The following GJC1 variants were observed in gnomAD, a reference collection of about 807,000 sequenced individuals.
GJC1 encodes the protein gap junction gamma-1 protein.
GJC1 carries 5 observed loss-of-function variants against 29.3 expected under a neutral mutation model. The observed-to-expected ratio is 0.17, with a 90% CI of 0.09 to 0.36. GJC1 has a LOEUF of 0.36. Ranked by LOEUF, GJC1 falls within the 10% of genes least tolerant of loss-of-function variation. The probability of loss-of-function intolerance (pLI) is 1.00; values close to 1 mark genes in which losing one functional copy is unlikely to be tolerated. For missense variants in GJC1, 310 were observed against 496.2 expected, an observed-to-expected ratio of 0.62 and a Z score of 3.56; for synonymous variants, 177 against 183.3, an observed-to-expected ratio of 0.97 and a Z score of 0.28.
intron 1 of GJC1, among the ~76,000 whole-genome samples, chr17:44,816,492 G>GTTTGT (rs1243085605): frequency 6.6e-6 from 1 of 152,046 alleles, no homozygotes; most frequent in Admixed American, 6.6e-5. Context: ...ACATAATTCA[G>GTTTGT]TTTGTTTTGT....
At position 44,804,909 on chromosome 17, in the gene GJC1, T is replaced by C. The variant is rs780356197; in HGVS notation, c.909A>G (p.Glu303=). 6.2e-7 allele frequency: 1 copy of C among 1,614,184 alleles called. No individual in the cohort carries two copies. The highest frequency in any genetic ancestry group is 8.5e-7 in the Non-Finnish European group (1 of 1,180,030). ...AVKPDQIQYT[E]LSNAKIAYKQ... is the part of the protein sequence containing the mutation. ...TGTAGGCGATCTTAGCATTGGACAG[T>C]TCGGTGTACTGGATTTGATCTGGTT... is the stretch of plus-strand genomic sequence containing the variant. The change falls in exon 3 of 3, where the codon GAA becomes GAG. Residue 303 remains glutamate, a synonymous_variant. Transcript: ENST00000592524.
chr17:44,819,089 C>T (rs1272120997), intron 1 of GJC1, among the ~76,000 whole-genome samples: 1 of 152,004 alleles, frequency 6.6e-6, no homozygotes, highest in Non-Finnish European at 1.5e-5. Context: ...CTTAAGTGTA[C>T]AGTTCAAGTA....
chr17:44,823,579 T>C (rs576584861), intron 1 of GJC1, among the ~76,000 whole-genome samples: 2 of 151,892 alleles, frequency 1.3e-5, no homozygotes, highest in South Asian at 2.1e-4. Context: ...AAATTTCTTA[T>C]TTTTGTAGAG....
chr17:44,807,441 G>C lies in GJC1; in HGVS notation c.-68C>G, dbSNP rs1316723805. On this transcript the variant is annotated 5_prime_UTR_variant, in exon 2 of 3. Coordinates refer to ENST00000592524, the MANE Select transcript of GJC1 (RefSeq NM_005497.4). ...CCCAAAATTTTCTTAGAGAAATGAT[G>C]TTTTGATTGCAATTTTTCCAGATTC... The C allele has an allele frequency of 6.6e-6, 1 of 151,782 alleles. No individual in the cohort carries two copies. Among genetic ancestry groups the C allele is most frequent in the Admixed American group, 6.6e-5 (1 of 15,116 alleles). 9.4% of individuals were successfully genotyped at this position (151,782 alleles called of 1,614,324 possible). A position where few individuals can be genotyped will look rare whatever the true frequency, so the allele number is the denominator to read the frequency against.
At chr17:44,810,355 TCAATAAAATTTTCTTG>T (rs1447780838) in intron 1 of GJC1, among the ~76,000 whole-genome samples, 1 of 152,220 alleles carries the variant, frequency 6.6e-6, no homozygotes, top group Non-Finnish European at 1.5e-5. Flanking sequence ...GTTGAGCTTT[TCAATAAAATTTTCTTG>T]GGGGGAAGAA....
At chr17:44,796,578 T>A (rs1294247278), downstream of GJC1, among the ~76,000 whole-genome samples, 1 of 152,180 alleles carries the variant, frequency 6.6e-6, no homozygotes, top group African/African-American at 2.4e-5. Flanking sequence ...AACAATTTTT[T>A]AAAAATGAGT....
intron 1 of GJC1, among the ~76,000 whole-genome samples, chr17:44,823,607 T>A: frequency 6.6e-6 from 1 of 152,102 alleles, no homozygotes; most frequent in East Asian, 1.9e-4. Flanking sequence ...CTCATCATAT[T>A]GCCCAGGTTG....
chr17:44,804,886 T>C lies in GJC1; in HGVS notation c.932A>G (p.Tyr311Cys). Residue 311 changes from tyrosine to cysteine, a missense_variant, in exon 3 of 3, where the codon TAC becomes TGC. By Grantham distance (194) the Tyr-to-Cys change is radical (BLOSUM62 -2). This residue lies in a region of GJC1 where 146 missense variants were observed against 165.0 expected (regional missense o/e 0.88). Transcript: ENST00000592524. ...GGCTGTGTTGGCCTTGTTTTGCTTGTAGGCGATCTTAGCATTGGACAGTTC... is the reference window on the plus strand; with the variant it reads ...GGCTGTGTTGGCCTTGTTTTGCTTGCAGGCGATCTTAGCATTGGACAGTTC... ...YTELSNAKIA[Y>C]KQNKANTAQE... 1 of 1,614,184 alleles carries C rather than the reference T, an allele frequency of 6.2e-7. No homozygotes were observed. The highest frequency in any genetic ancestry group is 8.5e-7 in the Non-Finnish European group (1 of 1,180,018).
At chr17:44,829,964 T>A (rs1451765160) in intron 1 of GJC1, 98 bp downstream of exon 1, 1 of 151,328 alleles carries the variant, frequency 6.6e-6, no homozygotes, top group African/African-American at 2.4e-5. Flanking sequence ...GAGGTTCTCC[T>A]CGGCCCCTCC....
chr17:44,819,687 TAAATAAA>T (rs927265811), intron 1 of GJC1, among the ~76,000 whole-genome samples: 5 of 150,784 alleles, frequency 3.3e-5, no homozygotes, highest in African/African-American at 1.2e-4. Context: ...AATAAATAAA[TAAATAAA>T]TAAATAAATA....
At chr17:44,794,604 T>C (rs1445964298), downstream of GJC1, 3 of 152,230 alleles carry the variant, frequency 2.0e-5, no homozygotes, top group Non-Finnish European at 4.4e-5. Flanking sequence ...AAGATAAAAT[T>C]ACACTTCCAT....
At chr17:44,830,749 A>G (rs2050224623), upstream of GJC1, 3 of 398,616 alleles carry the variant, frequency 7.5e-6, no homozygotes, top group Non-Finnish European at 1.3e-5. The surrounding 1 kb of genome is among the most constrained non-coding windows in gnomAD (Gnocchi z 4.3). Flanking sequence ...GTTCTGCTCT[A>G]CAATTCCTCG....
chr17:44,804,491 C>T lies in GJC1; in HGVS notation c.*136G>A, dbSNP rs773889984. The T allele has an allele frequency of 5.6e-5, 39 of 691,866 alleles. No individual in the cohort carries two copies. Among genetic ancestry groups the T allele is most frequent in the Non-Finnish European group, 8.6e-5 (35 of 405,840 alleles). The allele number at this position is 691,866 out of a possible 1,614,324, so 42.9% of individuals were successfully genotyped here. A position where few individuals can be genotyped will look rare whatever the true frequency, so the allele number is the denominator to read the frequency against. ...CTCAGCCCAGCCCCGCCTCCAGAGT[C>T]CCCTGAGCTTGGATCATGAGCCAAC... On this transcript the variant is annotated 3_prime_UTR_variant, in exon 3 of 3. Coordinates refer to ENST00000592524, the MANE Select transcript of GJC1 (RefSeq NM_005497.4).
chr17:44,796,614 G>A (rs906559806), downstream of GJC1, among the ~76,000 whole-genome samples: 1 of 152,142 alleles, frequency 6.6e-6, no homozygotes, highest in Admixed American at 6.5e-5. Flanking sequence ...ATGTACATAA[G>A]AATCACCAGG....
chr17:44,825,573 G>A (rs974618461), intron 1 of GJC1, among the ~76,000 whole-genome samples: 10 of 152,086 alleles, frequency 6.6e-5, no homozygotes, highest in South Asian at 4.2e-4. Context: ...TCAGGAGTTC[G>A]AGACCAGCCT....
In GJC1 at chr17:44,804,623, A is replaced by G. The variant is rs201717267; in HGVS notation, c.*4T>C. ...GAAAAGCACAGGTTTTAAGCCCGCC[A>G]GGATTAAATCCAGACGGAGGTCTTC... On this transcript the variant is annotated 3_prime_UTR_variant, in exon 3 of 3. Coordinates refer to ENST00000592524, the MANE Select transcript of GJC1 (RefSeq NM_005497.4). The G allele has an allele frequency of 6.3e-7, 1 of 1,597,960 alleles. No individual in the cohort carries two copies. Among genetic ancestry groups the G allele is most frequent in the Non-Finnish European group, 8.6e-7 (1 of 1,167,952 alleles).
intron 1 of GJC1, among the ~76,000 whole-genome samples, chr17:44,829,093 T>C (rs1025463196): frequency 6.6e-6 from 1 of 151,130 alleles, no homozygotes; most frequent in Admixed American, 6.7e-5. Flanking sequence ...CTTAACTTAC[T>C]CGATTTCACA....
At chr17:44,806,401 G>GTT (rs35152035) in intron 2 of GJC1, among the ~76,000 whole-genome samples, 14,540 of 121,944 alleles carry the variant, frequency 0.12, 957 homozygotes, top group Middle Eastern at 0.23. Context: ...TCTTCTGTTT[G>GTT]TTTTTTTTTT....
intron 1 of GJC1, among the ~76,000 whole-genome samples, chr17:44,812,186 C>T (rs1016031708): frequency 3.3e-5 from 5 of 150,762 alleles, no homozygotes; most frequent in African/African-American, 7.3e-5. Flanking sequence ...TGGTGGTACA[C>T]GCTTGTAGTC....
Sources: gnomAD v4.1 joint callset for allele counts (sites outside exome capture counted in the v4.1 genomes callset) on GRCh38, gnomAD v4.1.1 for gene constraint, gnomAD v4.1.1 regional missense constraint, Gnocchi (gnomAD v3.1) non-coding constraint, MANE v1.5 for transcripts, NCBI Gene and HGNC (gene_info 2026-07-23, HGNC 2026-07-21) for gene names.